ALCAM: variants seen among roughly 807,000 people sequenced by gnomAD.
The protein encoded by ALCAM is CD166 antigen.
Under a neutral mutation model 70.9 loss-of-function variants are expected in ALCAM, and 30 were observed. The ratio of observed to expected loss-of-function variants is 0.42; its 90% confidence interval spans 0.32 to 0.57. ALCAM has a LOEUF of 0.57. Among genes scored for constraint, ALCAM ranks in the 20% least tolerant of loss-of-function variants. The pLI is 0.11. For synonymous variants in ALCAM, 249 were observed against 242.5 expected, an observed-to-expected ratio of 1.03 and a Z score of -0.25; for missense variants, 591 against 695.1, an observed-to-expected ratio of 0.85 and a Z score of 1.68.
intron 3 of ALCAM, chr3:105,531,153 A>G (rs1408630308): frequency 1.3e-5 from 2 of 152,108 alleles, no homozygotes; most frequent in Non-Finnish European, 2.9e-5. Flanking sequence ...TAAAAAGCGC[A>G]AAATCCATCA....
intron 14 of ALCAM, among the ~76,000 whole-genome samples, chr3:105,566,542 CTTAA>C (rs1267707255): frequency 5.9e-5 from 9 of 152,172 alleles, no homozygotes; most frequent in South Asian, 4.1e-4. Flanking sequence ...TTTTGAATTA[CTTAA>C]TTAAGTTTTA....
intron 1 of ALCAM, among the ~76,000 whole-genome samples, chr3:105,484,071 A>G (rs556333039): frequency 6.6e-6 from 1 of 151,988 alleles, no homozygotes; most frequent in Non-Finnish European, 1.5e-5. Flanking sequence ...TATTACATAC[A>G]GTATTAGAGG....
intron 1 of ALCAM, among the ~76,000 whole-genome samples, chr3:105,379,149 A>C (rs1935450278): frequency 6.6e-6 from 1 of 152,022 alleles, no homozygotes; most frequent in African/African-American, 2.4e-5. Flanking sequence ...ATATTCAAGA[A>C]GGTAATGAAT....
chr3:105,528,411 C>A (rs900384399), intron 3 of ALCAM, among the ~76,000 whole-genome samples: 1 of 152,166 alleles, frequency 6.6e-6, no homozygotes, highest in Non-Finnish European at 1.5e-5. Context: ...ACAATTTCTT[C>A]TCCAGCTATA....
At chr3:105,519,535 T>C (rs1419768176) in intron 1 of ALCAM, among the ~76,000 whole-genome samples, 1 of 152,104 alleles carries the variant, frequency 6.6e-6, no homozygotes, top group Non-Finnish European at 1.5e-5. Flanking sequence ...TTTCCCCTTA[T>C]AAATAAAATT....
intron 1 of ALCAM, among the ~76,000 whole-genome samples, chr3:105,499,215 C>T (rs1005614334): frequency 6.6e-6 from 1 of 152,128 alleles, no homozygotes; most frequent in Non-Finnish European, 1.5e-5. Context: ...AACCCTATAT[C>T]TTTAATATCT....
intron 1 of ALCAM, among the ~76,000 whole-genome samples, chr3:105,465,127 A>G (rs542287165): frequency 6.6e-6 from 1 of 151,494 alleles, no homozygotes; most frequent in African/African-American, 2.4e-5. Context: ...TCAAAATAGA[A>G]AAGGCTTGTG....
chr3:105,463,602 A>G (rs565019910), intron 1 of ALCAM, among the ~76,000 whole-genome samples: 1 of 151,584 alleles, frequency 6.6e-6, no homozygotes, highest in East Asian at 1.9e-4. Context: ...GGATTATTCA[A>G]TGGATACCAC....
At chr3:105,494,662 CCTT>C (rs1342827630) in intron 1 of ALCAM, among the ~76,000 whole-genome samples, 1 of 151,520 alleles carries the variant, frequency 6.6e-6, no homozygotes, top group African/African-American at 2.4e-5. Context: ...TTCCTTCCTT[CCTT>C]CTTTTTTTTC....
chr3:105,396,310 A>C (rs755114883), intron 1 of ALCAM, among the ~76,000 whole-genome samples: 1 of 151,952 alleles, frequency 6.6e-6, no homozygotes, highest in Non-Finnish European at 1.5e-5. Flanking sequence ...TAGGAGGTTT[A>C]GGAGCTAGGA....
At chr3:105,438,915 G>A (rs564150265) in intron 1 of ALCAM, among the ~76,000 whole-genome samples, 80 of 152,222 alleles carry the variant, frequency 5.3e-4, no homozygotes, top group Middle Eastern at 3.4e-3. Context: ...AGCAAGGAGG[G>A]AGAGAGGGAA....
intron 6 of ALCAM, among the ~76,000 whole-genome samples, chr3:105,536,832 G>A (rs1939982109): frequency 6.6e-6 from 1 of 152,132 alleles, no homozygotes; most frequent in African/African-American, 2.4e-5. Flanking sequence ...AGGTGCCCAA[G>A]GACAGTGGTT....
At chr3:105,525,016 A>T (rs1434496621) in intron 3 of ALCAM, 1 of 894,048 alleles carries the variant, frequency 1.1e-6, no homozygotes, top group Non-Finnish European at 1.3e-6. Flanking sequence ...ATATATAAAT[A>T]TCCCATATAT....
At chr3:105,480,629 T>G (rs1938246594) in intron 1 of ALCAM, among the ~76,000 whole-genome samples, 1 of 152,200 alleles carries the variant, frequency 6.6e-6, no homozygotes, top group South Asian at 2.1e-4. Context: ...TGTAGGGACA[T>G]GCTAGGCTAA....
In ALCAM at chr3:105,534,905, A is replaced by G. The variant is rs958550479; in HGVS notation, c.730+60A>G. 19 of 1,459,884 alleles carry G rather than the reference A, an allele frequency of 1.3e-5. No individual in the cohort carries two copies. The African/African-American group carries it at 2.6e-4, about 20-fold the overall frequency. The allele number at this position is 1,459,884 out of a possible 1,614,324, so 90.4% of individuals were successfully genotyped here. On this transcript the variant is annotated intron_variant, in intron 6 of 15. Coordinates refer to ENST00000306107, the MANE Select transcript of ALCAM (RefSeq NM_001627.4). The stretch of plus-strand genomic sequence containing the variant: ...GTATTAGAAATAATATTCAAATGCT[A>G]TTAATCTTTGAGGTCCCAATCCAAT...
intron 1 of ALCAM, among the ~76,000 whole-genome samples, chr3:105,511,276 CCAT>C (rs960491299): frequency 5.3e-5 from 8 of 152,068 alleles, no homozygotes; most frequent in African/African-American, 1.9e-4. Context: ...AGGTGACACA[CCAT>C]CTCTTAAGGC....
intron 1 of ALCAM, among the ~76,000 whole-genome samples, chr3:105,457,172 C>G (rs1009372735): frequency 2.6e-5 from 4 of 152,066 alleles, no homozygotes; most frequent in African/African-American, 9.7e-5. Context: ...TTTTCTGTGT[C>G]AGTTTGCCAA....
intron 4 of ALCAM, 21 bp downstream of exon 4, chr3:105,532,087 A>G (rs766708280): frequency 3.7e-6 from 6 of 1,600,820 alleles, no homozygotes; most frequent in South Asian, 1.1e-5. Flanking sequence ...TTTTTGATTA[A>G]TACCTTTATT....
At chr3:105,563,436 A>G (rs1576243902) in intron 14 of ALCAM, among the ~76,000 whole-genome samples, 1 of 150,112 alleles carries the variant, frequency 6.7e-6, no homozygotes, top group African/African-American at 2.4e-5. Context: ...TTTTCTTTAC[A>G]TTTCCACTTT....
Sources: allele counts gnomAD v4.1 joint callset (sites outside exome capture counted in the v4.1 genomes callset), GRCh38; gene constraint gnomAD v4.1.1; transcripts MANE v1.5; gene names NCBI Gene and HGNC (gene_info 2026-07-23, HGNC 2026-07-21).